The following SETD5 variants were observed in gnomAD, a reference collection of about 807,000 sequenced individuals.
SETD5 encodes histone-lysine N-methyltransferase SETD5.
Under a neutral mutation model 153.3 loss-of-function variants are expected in SETD5, and 44 were observed. The observed-to-expected ratio is 0.29, with a 90% CI of 0.23 to 0.37. The LOEUF is 0.37. Among genes scored for constraint, SETD5 ranks in the 10% least tolerant of loss-of-function variants. SETD5 has a pLI of 1.00. For missense variants in SETD5, 1,544 were observed against 1,768.0 expected, an observed-to-expected ratio of 0.87 and a Z score of 2.27; for synonymous variants, 716 against 645.2, an observed-to-expected ratio of 1.11 and a Z score of -1.66.
At chr3:9,420,853 C>G (rs527641909) in intron 1 of SETD5, among the ~76,000 whole-genome samples, 1 of 149,572 alleles carries the variant, frequency 6.7e-6, no homozygotes, top group African/African-American at 2.5e-5. Context: ...TCATGTTTCT[C>G]ACATTTTTTC....
chr3:9,434,387 C>T lies in SETD5; in HGVS notation c.231C>T (p.Arg77=). 6.2e-7 allele frequency: 1 copy of T among 1,613,990 alleles called. No homozygotes were observed. Among genetic ancestry groups the T allele is most frequent in the Middle Eastern group, 1.7e-4 (1 of 6,060 alleles). Residue 77 remains arginine, a synonymous_variant, in exon 5 of 23, where the codon CGC becomes CGT. Transcript: ENST00000402198. This position sits in a 1 kb window ranked among gnomAD's most constrained non-coding sequence, Gnocchi z 5.6. The stretch of plus-strand genomic sequence containing the variant: ...GCCTGCCGTCGCCTGTAGAGGAACG[C>T]TGTGGAGACAGCCCGAACTCTGAAG... ...LNGLPSPVEE[R]CGDSPNSEGE...
intron 1 of SETD5, among the ~76,000 whole-genome samples, chr3:9,399,974 G>T (rs1459268588): frequency 6.6e-6 from 1 of 152,200 alleles, no homozygotes; most frequent in Non-Finnish European, 1.5e-5. Context: ...AGCTTGAGTA[G>T]TGCTGGCTGC....
At chr3:9,431,574 A>G (rs2039970341) in intron 3 of SETD5, 4 of 985,568 alleles carry the variant, frequency 4.1e-6, no homozygotes, top group African/African-American at 1.7e-5. Context: ...GAGTTTCTTC[A>G]TCAGAAGATA....
In SETD5 at chr3:9,447,118, G is replaced by A. The variant is rs1458505101; in HGVS notation, c.1593G>A (p.Arg531=). 1 of 1,613,936 alleles carries A rather than the reference G, an allele frequency of 6.2e-7. No homozygotes were observed. The highest frequency in any genetic ancestry group is 1.3e-5 in the African/African-American group (1 of 75,042). ...AAAACTTAGAGAAAAGAAAGAAGCG[G>A]CGGGATCAGCCCTTGGAACAGAGCA... ...AFENLEKRKK[R]RDQPLEQSNS... Residue 531 remains arginine, a synonymous_variant, in exon 14 of 23, where the codon CGG becomes CGA. Coordinates refer to ENST00000402198, the MANE Select transcript of SETD5 (RefSeq NM_001080517.3).
chr3:9,420,956 C>G (rs2038296461), intron 1 of SETD5, among the ~76,000 whole-genome samples: 1 of 152,098 alleles, frequency 6.6e-6, no homozygotes, highest in South Asian at 2.1e-4. Context: ...TTAGCAGCAG[C>G]TCCTCTTTCT....
rs1276391623 is a variant in SETD5 at position 9,475,525 on chromosome 3, C to T, written c.3763C>T (p.Leu1255Phe). The T allele has an allele frequency of 1.2e-6, 2 of 1,613,740 alleles. No homozygotes were observed. Among genetic ancestry groups the T allele is most frequent in the Non-Finnish European group, 1.7e-6 (2 of 1,179,832 alleles). ...DSPRTESQSL[L>F]QQSSSPFRGH... ...TCCTCGGACAGAATCACAAAGCCTCCTTCAGCAGAGTTCCTCCCCCTTCAG... is the reference window on the plus strand; with the variant it reads ...TCCTCGGACAGAATCACAAAGCCTCTTTCAGCAGAGTTCCTCCCCCTTCAG... The change falls in exon 23 of 23, where the codon CTT becomes TTT. Residue 1255 changes from leucine (L) to phenylalanine (F), a missense_variant. This residue lies in a region of SETD5 where 302 missense variants were observed against 277.6 expected (regional missense o/e 1.09). Coordinates refer to ENST00000402198, the MANE Select transcript of SETD5 (RefSeq NM_001080517.3).
intron 18 of SETD5, among the ~76,000 whole-genome samples, chr3:9,466,920 T>C (rs2044650084): frequency 6.6e-6 from 1 of 151,846 alleles, no homozygotes; most frequent in Admixed American, 6.6e-5. Flanking sequence ...TCCCAGCTAC[T>C]TGGGAGGCTG....
intron 18 of SETD5, chr3:9,468,677 G>T: frequency 9.2e-7 from 1 of 1,091,068 alleles, no homozygotes; most frequent in East Asian, 5.9e-5. Flanking sequence ...AGTCAGTGGG[G>T]TGATGGGCTG....
chr3:9,429,938 AAGTCT>A, intron 3 of SETD5: 1 of 1,301,874 alleles, frequency 7.7e-7, no homozygotes, highest in South Asian at 1.2e-5. Context: ...CCCAGAAGCC[AAGTCT>A]ATTCCAGGCA....
At position 9,448,480 on chromosome 3, in the gene SETD5, G is replaced by A. The variant is rs752542485; in HGVS notation, c.2196G>A (p.Leu732=). ...GTATCACAACGGATCCAACTGTACT[G>A]GCAACGACCCTAAACATGTTACCAG... The part of the protein sequence containing the change: ...PLRITTDPTV[L]ATTLNMLPGL... Residue 732 remains leucine (L), a synonymous_variant, in exon 16 of 23, where the codon CTG becomes CTA. Transcript: ENST00000402198. 20 of 1,613,806 alleles carry A rather than the reference G, an allele frequency of 1.2e-5. No individual in the cohort carries two copies. Among genetic ancestry groups the A allele is most frequent in the Non-Finnish European group, 1.7e-5 (20 of 1,179,884 alleles).
chr3:9,439,317 A>G (rs770050068), intron 7 of SETD5, among the ~76,000 whole-genome samples: 3 of 152,056 alleles, frequency 2.0e-5, no homozygotes, highest in Non-Finnish European at 4.4e-5. Flanking sequence ...TTTCTTCTAT[A>G]CTCCTGTTCC....
chr3:9,477,830 C>T lies in SETD5; in HGVS notation c.*1739C>T, dbSNP rs955386104. On this transcript the variant is annotated 3_prime_UTR_variant, in exon 23 of 23. Coordinates refer to ENST00000402198, the MANE Select transcript of SETD5 (RefSeq NM_001080517.3). The stretch of plus-strand genomic sequence containing the variant: ...TGGTTTCTTTGTATATTATATAAAA[C>T]GTATGTAAATGTCTCTCCATTTGGG... 2 of 152,262 alleles carry T rather than the reference C, an allele frequency of 1.3e-5. No homozygotes were observed. The highest frequency in any genetic ancestry group is 4.8e-5 in the African/African-American group (2 of 41,306). 9.4% of individuals were successfully genotyped at this position (152,262 alleles called of 1,614,324 possible).
In SETD5 at chr3:9,475,630, T is replaced by A; in HGVS notation, c.3868T>A (p.Ser1290Thr). 3 of 1,613,952 alleles carry A rather than the reference T, an allele frequency of 1.9e-6. No homozygotes were observed. Among genetic ancestry groups the A allele is most frequent in the Non-Finnish European group, 2.5e-6 (3 of 1,179,882 alleles). The change falls in exon 23 of 23, where the codon TCA becomes ACA. Residue 1290 changes from serine (S) to threonine (T), a missense_variant. Coordinates refer to ENST00000402198, the MANE Select transcript of SETD5 (RefSeq NM_001080517.3). ...RPGNPPSHGS[S>T]ESSLSSTSYS... Reference sequence around the variant, plus strand: ...TGGAAACCCCCCCTCTCACGGTTCTTCAGAATCATCCCTCTCTTCCACGTC... The same window carrying A: ...TGGAAACCCCCCCTCTCACGGTTCTACAGAATCATCCCTCTCTTCCACGTC...
Position 9,435,765 on chromosome 3 carries a change from G to A in SETD5, c.426G>A (p.Glu142=), listed in dbSNP as rs750724220. The A allele has an allele frequency of 6.2e-7, 1 of 1,601,206 alleles. No homozygotes were observed. The change falls in exon 7 of 23, where the codon GAG becomes GAA. Residue 142 remains glutamate, a synonymous_variant. Coordinates refer to ENST00000402198, the MANE Select transcript of SETD5 (RefSeq NM_001080517.3). ...GTGCAACAGAAAGCTGGGATGAGGAGCTTTCTCCTTCCACTGTGTTGTATA... is the reference window on the plus strand; with the variant it reads ...GTGCAACAGAAAGCTGGGATGAGGAACTTTCTCCTTCCACTGTGTTGTATA... ...DSSATESWDE[E]LSPSTVLYTA... is the part of the protein sequence containing the mutation.
At chr3:9,454,516 A>G (rs2125364002) in intron 17 of SETD5, among the ~76,000 whole-genome samples, 1 of 145,012 alleles carries the variant, frequency 6.9e-6, no homozygotes, top group East Asian at 2.2e-4. Flanking sequence ...CCTAAACAGG[A>G]GGCTGAGGCA....
chr3:9,469,025 A>G (rs2125560893), intron 18 of SETD5, among the ~76,000 whole-genome samples: 1 of 152,308 alleles, frequency 6.6e-6, no homozygotes, highest in Non-Finnish European at 1.5e-5. Flanking sequence ...TTAATCTAAC[A>G]GCTCTGTAAA....
chr3:9,466,811 G>A (rs2044636085), intron 18 of SETD5, among the ~76,000 whole-genome samples: 1 of 152,104 alleles, frequency 6.6e-6, no homozygotes, highest in African/African-American at 2.4e-5. Flanking sequence ...GATTGCTTGA[G>A]GCCAGGGGTT....
At chr3:9,465,696 T>TA (rs1294016054) in intron 18 of SETD5, among the ~76,000 whole-genome samples, 1 of 152,216 alleles carries the variant, frequency 6.6e-6, no homozygotes, top group Non-Finnish European at 1.5e-5. Flanking sequence ...ACCCTAGACC[T>TA]CTACTTTTGG....
At chr3:9,430,115 C>G in intron 3 of SETD5, 1 of 1,024,596 alleles carries the variant, frequency 9.8e-7, no homozygotes, top group Non-Finnish European at 1.2e-6. Flanking sequence ...GATTCTTCCC[C>G]CTTCAGCAAA....
Sources: gnomAD v4.1 joint callset for allele counts (sites outside exome capture counted in the v4.1 genomes callset) on GRCh38, gnomAD v4.1.1 for gene constraint, gnomAD v4.1.1 regional missense constraint, Gnocchi (gnomAD v3.1) non-coding constraint, MANE v1.5 for transcripts, NCBI Gene and HGNC (gene_info 2026-07-23, HGNC 2026-07-21) for gene names.